The following MYO16 variants were observed in gnomAD, a reference collection of about 807,000 sequenced individuals.
MYO16 encodes the protein myosin XVI.
In MYO16, 94 loss-of-function variants were observed where a neutral mutation model predicts 205.3. The ratio of observed to expected loss-of-function variants is 0.46; its 90% CI spans 0.39 to 0.54. The LOEUF (loss-of-function observed/expected upper bound fraction) is 0.54, where lower values mean the gene tolerates loss of function less well. Ranked by LOEUF, MYO16 falls within the 20% of genes least tolerant of loss-of-function variation. The probability of loss-of-function intolerance (pLI) is 0.00; values close to 1 mark genes in which losing one functional copy is unlikely to be tolerated. For synonymous variants in MYO16, 988 were observed against 954.0 expected (o/e 1.04, Z -0.66); for missense variants, 2,315 against 2,387.5 (o/e 0.97, Z 0.63).
At chr13:108,822,553 G>A (rs899205980) in intron 8 of MYO16, among the ~76,000 whole-genome samples, 8 of 152,078 alleles carry the variant, frequency 5.3e-5, no homozygotes, top group African/African-American at 1.2e-4. Flanking sequence ...CTGCCCAAAC[G>A]TGTTCAGATG....
At chr13:109,147,505 A>G (rs1156338014) in intron 32 of MYO16, among the ~76,000 whole-genome samples, 1 of 152,212 alleles carries the variant, frequency 6.6e-6, no homozygotes, top group East Asian at 1.9e-4. Flanking sequence ...CTGAAGTATG[A>G]GACATTAGTC....
intron 1 of MYO16, among the ~76,000 whole-genome samples, chr13:108,641,134 A>G (rs1880485557): frequency 6.6e-6 from 1 of 152,216 alleles, no homozygotes; most frequent in Non-Finnish European, 1.5e-5. Context: ...TGGTTGCAAA[A>G]GCTTATTGGA....
At chr13:108,543,644 G>GAAAA in the MYO16 span, among the ~76,000 whole-genome samples, 2 of 77,490 alleles carry the variant, frequency 2.6e-5, no homozygotes, top group African/African-American at 8.4e-5. Context: ...TCCCTCTCAA[G>GAAAA]AAAAAAAAAA....
rs34317737 is a variant in MYO16, at chr13:109,127,859, T to TAAAAAAAAAAAAAAA, written c.4051+314_4051+328dup. Among the ~76,000 whole-genome samples the TAAAAAAAAAAAAAAA allele has an allele frequency of 3.8e-5, 5 of 132,658 alleles. No homozygotes were observed. The highest frequency in any genetic ancestry group is 1.4e-4 in the African/African-American group (5 of 35,378). The allele number at this position is 132,658 out of a possible 152,430, so 87.0% of individuals were successfully genotyped here. A position where few individuals can be genotyped will look rare whatever the true frequency, so the allele number is the denominator to read the frequency against. ...ATGTAAAGGTTCACCAATGAGAAAG[T>TAAAAAAAAAAAAAAA]AAAAAAAAAAAAAAAAAAACTGCTT... is the stretch of plus-strand genomic sequence containing the variant. On this transcript the variant is annotated intron_variant, in intron 31 of 34. Coordinates refer to ENST00000457511, the MANE Select transcript of MYO16 (RefSeq NM_001198950.3). This position sits in a 1 kb window ranked among gnomAD's most constrained non-coding sequence, Gnocchi z 4.2.
At chr13:109,050,285 GT>G (rs1887202738) in intron 24 of MYO16, among the ~76,000 whole-genome samples, 1 of 151,700 alleles carries the variant, frequency 6.6e-6, no homozygotes, top group African/African-American at 2.4e-5. Context: ...TTTAATGCCA[GT>G]TAATTCGTAG....
intron 4 of MYO16, among the ~76,000 whole-genome samples, chr13:108,782,512 A>AT (rs1277025488): frequency 1.3e-5 from 2 of 152,042 alleles, no homozygotes; most frequent in African/African-American, 4.8e-5. Context: ...AGAAAAACCC[A>AT]TTTTTTGAGG....
intron 28 of MYO16, among the ~76,000 whole-genome samples, chr13:109,106,799 A>G (rs1324444644): frequency 6.6e-6 from 1 of 152,136 alleles, no homozygotes; most frequent in Non-Finnish European, 1.5e-5. Context: ...GGTACTTTTC[A>G]CTGATAGTTC....
intron 16 of MYO16, among the ~76,000 whole-genome samples, chr13:108,924,535 G>A (rs948174738): frequency 6.6e-6 from 1 of 152,200 alleles, no homozygotes; most frequent in Non-Finnish European, 1.5e-5. Context: ...TCAGGTACTT[G>A]AATACATGAT....
intron 32 of MYO16, among the ~76,000 whole-genome samples, chr13:109,150,395 G>T (rs1877592331): frequency 6.6e-6 from 1 of 152,044 alleles, no homozygotes; most frequent in South Asian, 2.1e-4. Context: ...TTCCCGCTAG[G>T]TCATGCCACT....
chr13:108,676,427 C>T (rs1182749504), intron 2 of MYO16, among the ~76,000 whole-genome samples: 1 of 135,408 alleles, frequency 7.4e-6, no homozygotes, highest in African/African-American at 2.6e-5. Context: ...TCTCTAAACA[C>T]TTTATACATA....
chr13:109,164,859 A>C (rs1878565756), intron 32 of MYO16, 42 bp from the exon 33 acceptor site: 1 of 1,246,804 alleles, frequency 8.0e-7, no homozygotes. Context: ...TATTCAGTAC[A>C]TGTTATCAGA....
chr13:108,703,574 A>G (rs1386209593), intron 2 of MYO16, among the ~76,000 whole-genome samples: 1 of 152,204 alleles, frequency 6.6e-6, no homozygotes, highest in Admixed American at 6.5e-5. Flanking sequence ...TTTATCAAAC[A>G]TACTCTTCCA....
rs189987843 is a variant in MYO16 at position 109,113,535 on chromosome 13, T to G, written c.3439-6835T>G. Among the ~76,000 whole-genome samples the G allele has an allele frequency of 4.6e-5, 7 of 152,342 alleles. No homozygotes were observed. In the East Asian group the frequency reaches 1.4e-3, roughly 29 times the overall value. Reference sequence around the variant, plus strand: ...ATCACGCTGAATATAGTTTAAAAAATGGACGCATGTAGACCCATGATAATT... The same window carrying G: ...ATCACGCTGAATATAGTTTAAAAAAGGGACGCATGTAGACCCATGATAATT... On this transcript the variant is annotated intron_variant, in intron 28 of 34. Transcript: ENST00000457511.
chr13:108,983,977 T>C (rs972122793), intron 20 of MYO16, among the ~76,000 whole-genome samples: 6 of 152,194 alleles, frequency 3.9e-5, no homozygotes, highest in African/African-American at 1.4e-4. Flanking sequence ...GGAAAGGTTT[T>C]CATCCCTGAG....
the MYO16 span, among the ~76,000 whole-genome samples, chr13:108,530,261 C>T: frequency 2.0e-5 from 3 of 152,072 alleles, no homozygotes; most frequent in South Asian, 6.2e-4. Context: ...AGTCGAAGGA[C>T]GAATTACTGG....
intron 27 of MYO16, among the ~76,000 whole-genome samples, chr13:109,084,414 T>G (rs1030885023): frequency 3.9e-5 from 6 of 152,164 alleles, no homozygotes; most frequent in African/African-American, 1.4e-4. Context: ...TAAAGTTACA[T>G]TGTCGATACC....
At chr13:108,897,956 C>G in intron 14 of MYO16, 60 bp from the exon 15 acceptor site, 2 of 1,276,798 alleles carry the variant, frequency 1.6e-6, no homozygotes, top group Non-Finnish European at 2.3e-6. Context: ...GTCGCTATTA[C>G]TCATCAATTT....
At chr13:108,674,373 AGG>A (rs1020333414) in intron 2 of MYO16, among the ~76,000 whole-genome samples, 12 of 152,340 alleles carry the variant, frequency 7.9e-5, no homozygotes, top group African/African-American at 2.9e-4. Context: ...CCTAGTATCT[AGG>A]GTATAAAGAT....
chr13:108,787,309 C>A (rs1886487889), intron 5 of MYO16, among the ~76,000 whole-genome samples: 1 of 152,010 alleles, frequency 6.6e-6, no homozygotes, highest in Non-Finnish European at 1.5e-5. Context: ...GGTCATACTG[C>A]AATGAATGGT....
Sources: allele counts gnomAD v4.1 joint callset (sites outside exome capture counted in the v4.1 genomes callset), GRCh38; gene constraint gnomAD v4.1.1; non-coding constraint Gnocchi (gnomAD v3.1); transcripts MANE v1.5; gene names NCBI Gene and HGNC (gene_info 2026-07-23, HGNC 2026-07-21).